PRDX1: variants seen among roughly 807,000 people sequenced by gnomAD.
PRDX1 encodes the protein peroxiredoxin 1.
In PRDX1, 19 loss-of-function variants were observed where a neutral mutation model predicts 20.7. The observed-to-expected ratio is 0.92, with a 90% confidence interval of 0.64 to 1.35. PRDX1 has a LOEUF of 1.35. PRDX1 is among the 40% of genes most tolerant of loss of function. PRDX1 has a pLI of 0.00. For synonymous variants in PRDX1, 89 were observed against 83.9 expected (o/e 1.06, Z -0.33); for missense variants, 226 against 240.0 (o/e 0.94, Z 0.38).
intron 1 of PRDX1, among the ~76,000 whole-genome samples, chr1:45,520,711 G>A (rs1281262475): frequency 6.0e-5 from 8 of 133,826 alleles, no homozygotes; most frequent in Admixed American, 2.4e-4. Flanking sequence ...GCGACAGAGC[G>A]AGACTCCGTC....
At position 45,515,757 on chromosome 1, in the gene PRDX1, G is replaced by A. The variant is rs1381276546; in HGVS notation, c.157C>T (p.Pro53Ser). 6.3e-7 allele frequency: 1 copy of A among 1,597,536 alleles called. No individual in the cohort carries two copies. The highest frequency in any genetic ancestry group is 8.5e-7 in the Non-Finnish European group (1 of 1,175,340). Residue 53 changes from proline to serine, a missense_variant, in exon 3 of 6, where the codon CCC (proline) becomes TCC (serine). Physicochemically the swap from Pro to Ser is moderately conservative, Grantham distance 74. Transcript: ENST00000319248. ...FYPLDFTFVC[P>S]TEIIAFSDRA... ...TCACTGAAAGCAATGATCTCCGTGGGGCACACAAAGGTGAAGTCAAGAGGG... is the reference window on the plus strand; with the variant it reads ...TCACTGAAAGCAATGATCTCCGTGGAGCACACAAAGGTGAAGTCAAGAGGG...
At chr1:45,515,874 C>A in intron 2 of PRDX1, 67 bp from the exon 3 acceptor site, 1 of 1,416,446 alleles carries the variant, frequency 7.1e-7, no homozygotes. Context: ...TTTTCCTATA[C>A]AAAAAGAAGC....
chr1:45,516,471 T>C (rs1057403491), intron 2 of PRDX1, among the ~76,000 whole-genome samples: 9 of 151,804 alleles, frequency 5.9e-5, no homozygotes, highest in Admixed American at 3.3e-4. Context: ...AACAGAAATA[T>C]ATATATACAT....
chr1:45,511,842 CA>C lies in PRDX1; in HGVS notation c.515-429del, dbSNP rs1371125033. ...CTTCTCAGCATTCTTCTAACTCTACCAAACTGGATAGCCTGAACCTTATAAA... is the reference window on the plus strand; with the variant it reads ...CTTCTCAGCATTCTTCTAACTCTACCAACTGGATAGCCTGAACCTTATAAA... On this transcript the variant is annotated intron_variant, in intron 5 of 5. Transcript: ENST00000319248. 6 of 153,590 alleles carry C rather than the reference CA, an allele frequency of 3.9e-5. No individual in the cohort carries two copies. The East Asian group carries it at 1.2e-3, about 30-fold the overall frequency. 9.5% of individuals were successfully genotyped at this position (153,590 alleles called of 1,614,324 possible).
intron 5 of PRDX1, chr1:45,512,055 A>G (rs1015698136): frequency 6.7e-6 from 1 of 149,484 alleles, no homozygotes; most frequent in African/African-American, 2.5e-5. Flanking sequence ...CAAGGGGACT[A>G]ATCTCTTATT....
At position 45,514,626 on chromosome 1, in the gene PRDX1, AT is replaced by A. The variant is rs765407258; in HGVS notation, c.394del (p.Ile132SerfsTer13). The A allele has an allele frequency of 6.2e-7, 1 of 1,613,758 alleles. No homozygotes were observed. ...DEGISFRGLFIIDDKGILRQI... is the reference protein window; with the variant it reads ...DEGISFRGLFXIDDKGILRQI... ...CCGAAGAATACCCTTATCATCAATG[AT>A]AAAAAGGCCCCTGGGAAAAGAGATG... On this transcript the variant is annotated frameshift_variant, in exon 5 of 6. Coordinates refer to ENST00000319248, the MANE Select transcript of PRDX1 (RefSeq NM_181697.3). LOFTEE classifies it high-confidence loss of function.
rs972326149 is a variant in PRDX1, at chr1:45,514,560, T to A, written c.461A>T (p.Asp154Val). The change falls in exon 5 of 6, where the codon GAT (aspartate) becomes GTT (valine). Residue 154 changes from aspartate (D) to valine (V), a missense_variant. By Grantham distance (152) the Asp-to-Val change is radical (BLOSUM62 -3). Coordinates refer to ENST00000319248, the MANE Select transcript of PRDX1 (RefSeq NM_181697.3). ...GGCCTGAACTAGTCTCAAAGTCTCA[T>A]CCACAGAGCGGCCAACAGGGAGGTC... ...VNDLPVGRSV[D>V]ETLRLVQAFQ... 6.2e-7 allele frequency: 1 copy of A among 1,613,914 alleles called. No individual in the cohort carries two copies. Among genetic ancestry groups the A allele is most frequent in the Non-Finnish European group, 8.5e-7 (1 of 1,179,972 alleles).
intron 5 of PRDX1, among the ~76,000 whole-genome samples, chr1:45,514,059 C>CT (rs1166234693): frequency 5.3e-5 from 8 of 152,228 alleles, no homozygotes; most frequent in Non-Finnish European, 1.0e-4. Flanking sequence ...TATGTTCCAT[C>CT]TACTGAGACA....
intron 5 of PRDX1, among the ~76,000 whole-genome samples, chr1:45,513,853 T>A (rs1557612709): frequency 6.6e-6 from 1 of 152,142 alleles, no homozygotes; most frequent in Non-Finnish European, 1.5e-5. Flanking sequence ...TGTCCAAGGT[T>A]TCTCCCCATG....
chr1:45,518,676 G>C (rs1643881816), intron 2 of PRDX1, among the ~76,000 whole-genome samples: 1 of 151,922 alleles, frequency 6.6e-6, no homozygotes. Flanking sequence ...AAAGAAAATA[G>C]ACGAGGAATA....
At position 45,511,321 on chromosome 1, in the gene PRDX1, C is replaced by T. The variant is rs1475498001; in HGVS notation, c.*8G>A. The T allele has an allele frequency of 1.9e-6, 3 of 1,606,250 alleles. No individual in the cohort carries two copies. The highest frequency in any genetic ancestry group is 8.5e-7 in the Non-Finnish European group (1 of 1,175,670). ...CCACCGCAGCCTGGCACTAAAACAGCCCAGCGCTCACTTCTGCTTGGAGAA... is the reference window on the plus strand; with the variant it reads ...CCACCGCAGCCTGGCACTAAAACAGTCCAGCGCTCACTTCTGCTTGGAGAA... On this transcript the variant is annotated 3_prime_UTR_variant, in exon 6 of 6. Transcript: ENST00000319248.
intron 1 of PRDX1, 77 bp from the exon 2 acceptor site, chr1:45,519,131 C>T: frequency 1.0e-6 from 1 of 1,001,802 alleles, no homozygotes; most frequent in Non-Finnish European, 1.5e-6. Flanking sequence ...CTTAAAGAGA[C>T]TTAGCTGTAA....
intron 2 of PRDX1, among the ~76,000 whole-genome samples, chr1:45,517,897 A>G (rs905974154): frequency 2.5e-4 from 15 of 60,072 alleles, no homozygotes; most frequent in Non-Finnish European, 6.2e-4. Flanking sequence ...CCCTCAGCCT[A>G]ATATTAACAG....
chr1:45,515,097 G>C, intron 3 of PRDX1, 102 bp from the exon 4 acceptor site: 1 of 1,509,962 alleles, frequency 6.6e-7, no homozygotes, highest in Non-Finnish European at 9.0e-7. Flanking sequence ...TTTCCAAAAA[G>C]ACTGTTTTTT....
chr1:45,516,871 A>C (rs1176446263), intron 2 of PRDX1, among the ~76,000 whole-genome samples: 1 of 151,976 alleles, frequency 6.6e-6, no homozygotes, highest in East Asian at 1.9e-4. Context: ...AAATACAAAA[A>C]TTAGCTGGGT....
chr1:45,519,134 A>C (rs1570853508), intron 1 of PRDX1, 80 bp from the exon 2 acceptor site: 2 of 957,516 alleles, frequency 2.1e-6, no homozygotes, highest in East Asian at 5.1e-5. Context: ...AAAGAGACTT[A>C]GCTGTAAACA....
intron 5 of PRDX1, 128 bp downstream of exon 5, chr1:45,514,379 A>G: frequency 8.2e-7 from 1 of 1,213,658 alleles, no homozygotes; most frequent in Non-Finnish European, 1.2e-6. Flanking sequence ...TTCTTTCTCT[A>G]TACTTTGTCT....
In PRDX1 at chr1:45,517,050, AG is replaced by A. The variant is rs764982308; in HGVS notation, c.107-1244del. On this transcript the variant is annotated intron_variant, in intron 2 of 5. Coordinates refer to ENST00000319248, the MANE Select transcript of PRDX1 (RefSeq NM_181697.3). ...AAAAAAAAAAAAAAGCCAAACAAGC[AG>A]CCCTTTTTGACATTTACCACTTTGC... Among the ~76,000 whole-genome samples, 82 of 150,702 alleles carry A rather than the reference AG, an allele frequency of 5.4e-4. No individual in the cohort carries two copies. The East Asian group carries it at 0.012, about 23-fold the overall frequency.
chr1:45,517,125 A>G (rs1028996699), intron 2 of PRDX1, among the ~76,000 whole-genome samples: 4 of 151,946 alleles, frequency 2.6e-5, no homozygotes, highest in African/African-American at 4.8e-5. Context: ...AGCTTTGCCT[A>G]ACAAGCACTT....
Sources: allele counts gnomAD v4.1 joint callset (sites outside exome capture counted in the v4.1 genomes callset), GRCh38; gene constraint gnomAD v4.1.1; transcripts MANE v1.5; gene names NCBI Gene and HGNC (gene_info 2026-07-23, HGNC 2026-07-21).